Variants in CDKL4 observed in about 807,000 individuals in gnomAD.
CDKL4 encodes cyclin-dependent kinase-like 4.
Under a neutral mutation model 42.0 loss-of-function variants are expected in CDKL4, and 44 were observed. The observed-to-expected ratio is 1.05, with a 90% CI of 0.82 to 1.35. CDKL4 has a LOEUF of 1.35. CDKL4 is among the 40% of genes most tolerant of loss of function. The pLI is 0.00. For synonymous variants in CDKL4, 120 were observed against 121.6 expected, an observed-to-expected ratio of 0.99 and a Z score of 0.09; for missense variants, 393 against 369.9, an observed-to-expected ratio of 1.06 and a Z score of -0.51.
chr2:39,223,139 G>T (rs1477588125), intron 3 of CDKL4, among the ~76,000 whole-genome samples: 2 of 151,958 alleles, frequency 1.3e-5, no homozygotes, highest in East Asian at 3.9e-4. Context: ...GCTCTCTAAT[G>T]GGCTGGCTGC....
chr2:39,189,253 G>T (rs1479464049), intron 6 of CDKL4, among the ~76,000 whole-genome samples: 1 of 152,170 alleles, frequency 6.6e-6, no homozygotes, highest in African/African-American at 2.4e-5. Flanking sequence ...CATGCTGTTG[G>T]CATGAAGCTG....
chr2:39,245,662 A>C (rs1679883767), upstream of CDKL4, among the ~76,000 whole-genome samples: 1 of 152,174 alleles, frequency 6.6e-6, no homozygotes, highest in Non-Finnish European at 1.5e-5. Flanking sequence ...CTTCTTTCCC[A>C]AGGCATCGAG....
At chr2:39,221,712 C>A (rs1254813258) in intron 3 of CDKL4, among the ~76,000 whole-genome samples, 2 of 152,202 alleles carry the variant, frequency 1.3e-5, no homozygotes, top group Non-Finnish European at 2.9e-5. Flanking sequence ...AGGTCCCTGG[C>A]ATTGCAAAAC....
At chr2:39,215,922 C>T (rs1455851310) in intron 3 of CDKL4, among the ~76,000 whole-genome samples, 1 of 152,152 alleles carries the variant, frequency 6.6e-6, no homozygotes, top group South Asian at 2.1e-4. Flanking sequence ...GTGTCTATTT[C>T]CAGCACTGAA....
At chr2:39,192,406 G>C (rs1247759871) in intron 5 of CDKL4, among the ~76,000 whole-genome samples, 1 of 152,022 alleles carries the variant, frequency 6.6e-6, no homozygotes, top group Non-Finnish European at 1.5e-5. Flanking sequence ...TGTCCCCCAG[G>C]CTAAAATGCA....
Position 39,183,066 on chromosome 2 carries a change from G to C in CDKL4, c.792+1525C>G, listed in dbSNP as rs571734913. 2.1e-3 allele frequency among the ~76,000 whole-genome samples: 323 copies of C among 152,308 alleles called. 1 individual carries two copies. Among genetic ancestry groups the C allele is most frequent in the African/African-American group, 7.3e-3 (305 of 41,560 alleles). The stretch of plus-strand genomic sequence containing the variant: ...GGAGGCCTAGGTGGGCGGATCATGA[G>C]GTCAGGAGATGGAGACCATCCTGGC... On this transcript the variant is annotated intron_variant, in intron 8 of 9. Transcript: ENST00000451199.
chr2:39,170,918 T>C (rs1033346256), downstream of CDKL4, among the ~76,000 whole-genome samples: 7 of 152,030 alleles, frequency 4.6e-5, no homozygotes, highest in African/African-American at 1.7e-4. Context: ...TTTTGGAAAA[T>C]TGTAATTTTA....
intron 1 of CDKL4, among the ~76,000 whole-genome samples, chr2:39,239,757 G>C (rs1329951709): frequency 6.6e-6 from 1 of 152,228 alleles, no homozygotes; most frequent in East Asian, 1.9e-4. Context: ...ATGTAAAGCA[G>C]CACAGCTCCA....
At chr2:39,205,147 G>A (rs984452005) in intron 4 of CDKL4, among the ~76,000 whole-genome samples, 1 of 152,008 alleles carries the variant, frequency 6.6e-6, no homozygotes. Context: ...ACTGCACAGA[G>A]CCTGAGCAAC....
chr2:39,239,813 G>T (rs1489859504), intron 1 of CDKL4, among the ~76,000 whole-genome samples: 2 of 152,254 alleles, frequency 1.3e-5, no homozygotes, highest in African/African-American at 4.8e-5. Context: ...CATAGGGCCA[G>T]GCATGGTGGC....
intron 4 of CDKL4, among the ~76,000 whole-genome samples, chr2:39,206,511 G>A (rs972966204): frequency 6.6e-6 from 1 of 152,230 alleles, no homozygotes; most frequent in Admixed American, 6.5e-5. Context: ...GGCTGAGTAA[G>A]CCCGCGCGCA....
chr2:39,244,662 C>A (rs867313900), upstream of CDKL4, among the ~76,000 whole-genome samples: 133 of 152,344 alleles, frequency 8.7e-4, no homozygotes, highest in African/African-American at 3.1e-3. Flanking sequence ...GGAGTGCGAG[C>A]GAACGGCGCG....
chr2:39,205,759 C>CCA (rs1677130907), intron 4 of CDKL4, among the ~76,000 whole-genome samples: 1 of 78,690 alleles, frequency 1.3e-5, no homozygotes, highest in South Asian at 6.6e-4. Flanking sequence ...GACTCCGTCT[C>CCA]AAAAAAAAAA....
rs139210831 is a variant in CDKL4, at chr2:39,243,220, G to A, written c.-57+651C>T. 2.0e-3 allele frequency among the ~76,000 whole-genome samples: 289 copies of A among 141,256 alleles called. 2 individuals carry two copies. Among genetic ancestry groups the A allele is most frequent in the African/African-American group, 7.3e-3 (280 of 38,548 alleles). 92.7% of individuals were successfully genotyped at this position (141,256 alleles called of 152,430 possible). A position where few individuals can be genotyped will look rare whatever the true frequency, so the allele number is the denominator to read the frequency against. ...GTTAGGGAATCCACAGGCTGGTAAA[G>A]TCACAACCTCCTATGTTGTTATTGT... On this transcript the variant is annotated intron_variant, in intron 1 of 9. Coordinates refer to ENST00000451199, the Ensembl canonical transcript of CDKL4.
chr2:39,197,527 G>C (rs1033704857), intron 5 of CDKL4, among the ~76,000 whole-genome samples: 2 of 152,204 alleles, frequency 1.3e-5, no homozygotes, highest in South Asian at 2.1e-4. Flanking sequence ...CATCGCCTAG[G>C]CACATAGGCA....
chr2:39,244,371 A>C (rs953210288), upstream of CDKL4, among the ~76,000 whole-genome samples: 1 of 152,214 alleles, frequency 6.6e-6, no homozygotes, highest in African/African-American at 2.4e-5. Context: ...CACTCTGAGC[A>C]GCCCGCCGGC....
chr2:39,191,228 G>T (rs1451385916), intron 5 of CDKL4, among the ~76,000 whole-genome samples: 1 of 152,096 alleles, frequency 6.6e-6, no homozygotes, highest in Non-Finnish European at 1.5e-5. Context: ...GCAAAACCCT[G>T]TCTCTACTAA....
chr2:39,234,692 T>A (rs567921324), intron 1 of CDKL4, among the ~76,000 whole-genome samples: 1 of 152,242 alleles, frequency 6.6e-6, no homozygotes, highest in Non-Finnish European at 1.5e-5. Flanking sequence ...ATAAAGAGAA[T>A]ACTCTCTGAG....
Position 39,229,602 on chromosome 2 carries a change from T to A in CDKL4, c.-56-14A>T. 8.1e-7 allele frequency: 1 copy of A among 1,230,526 alleles called. No homozygotes were observed. Among genetic ancestry groups the A allele is most frequent in the South Asian group, 1.5e-5 (1 of 67,940 alleles). The allele number at this position is 1,230,526 out of a possible 1,614,324, so 76.2% of individuals were successfully genotyped here. On this transcript the variant is annotated splice_polypyrimidine_tract_variant and intron_variant, in intron 1 of 9. Coordinates refer to ENST00000451199, the Ensembl canonical transcript of CDKL4. ...ACAATGCTGCACCTGGAAAATAAGG[T>A]AGACTTGCCTTAATCAAGCTATAAA... is the stretch of plus-strand genomic sequence containing the variant.
Sources: gnomAD v4.1 joint callset for allele counts (sites outside exome capture counted in the v4.1 genomes callset) on GRCh38, gnomAD v4.1.1 for gene constraint, MANE v1.5 for transcripts, NCBI Gene and HGNC (gene_info 2026-07-23, HGNC 2026-07-21) for gene names.